The following FASTKD3 variants were observed in gnomAD, a reference collection of about 807,000 sequenced individuals.
The protein encoded by FASTKD3 is FAST kinase domain-containing protein 3, mitochondrial.
In FASTKD3, 47 loss-of-function variants were observed where a neutral mutation model predicts 49.7. That is an observed-to-expected ratio of 0.95 (90% CI 0.75 to 1.21). The LOEUF (loss-of-function observed/expected upper bound fraction) is 1.21, where lower values mean the gene tolerates loss of function less well. Ranked by LOEUF, FASTKD3 falls within the 50% of genes most tolerant of loss-of-function variation. FASTKD3 has a pLI of 0.00. For synonymous variants in FASTKD3, 284 were observed against 288.6 expected, an observed-to-expected ratio of 0.98 and a Z score of 0.16; for missense variants, 748 against 765.7, an observed-to-expected ratio of 0.98 and a Z score of 0.27.
rs1747123166 is a variant in FASTKD3, at chr5:7,867,822, C to T, written c.262G>A (p.Asp88Asn). Residue 88 changes from aspartate (D) to asparagine (N), a missense_variant, in exon 2 of 7, where the codon GAC becomes AAC. Coordinates refer to ENST00000264669, the MANE Select transcript of FASTKD3 (RefSeq NM_024091.4). Reference sequence around the variant, plus strand: ...TTTTTAACATTTTGTTCAAGCCTGTCGCAGTCAGATACTTGAGAGAACACT... The same window carrying T: ...TTTTTAACATTTTGTTCAAGCCTGTTGCAGTCAGATACTTGAGAGAACACT... ...GPVFSQVSDCDRLEQNVKNEE... is the reference protein window; with the variant it reads ...GPVFSQVSDCNRLEQNVKNEE... The T allele has an allele frequency of 2.5e-6, 4 of 1,614,146 alleles. No individual in the cohort carries two copies. Among genetic ancestry groups the T allele is most frequent in the Non-Finnish European group, 3.4e-6 (4 of 1,180,028 alleles).
intron 5 of FASTKD3, 105 bp from the exon 6 acceptor site, chr5:7,861,368 G>C (rs1036285142): frequency 1.6e-6 from 1 of 621,526 alleles, no homozygotes; most frequent in South Asian, 4.2e-5. Flanking sequence ...CTATTACTAT[G>C]TGCCAATATT....
In FASTKD3 at chr5:7,867,207, G is replaced by A. The variant is rs756135359; in HGVS notation, c.877C>T (p.Pro293Ser). Residue 293 changes from proline to serine, a missense_variant, in exon 2 of 7, where the codon CCT becomes TCT. Physicochemically the swap from Pro to Ser is moderately conservative, Grantham distance 74. Transcript: ENST00000264669. ...GTGAGCATTTGGCTAATCAATTTAG[G>A]ACTCAGGTTGGAAACTATTGATAGG... is the stretch of plus-strand genomic sequence containing the variant. ...FSLSIVSNLS[P>S]KLISQMLTAL... 1 of 1,614,126 alleles carries A rather than the reference G, an allele frequency of 6.2e-7. No homozygotes were observed. The highest frequency in any genetic ancestry group is 2.2e-5 in the East Asian group (1 of 44,888).
chr5:7,868,087 A>G lies in FASTKD3; in HGVS notation c.-4T>C, dbSNP rs1346291074. Reference sequence around the variant, plus strand: ...TCCTCAAGGTGATTAATGCCATACCATCAGATTCTCAATTTGATAACTAAA... The same window carrying G: ...TCCTCAAGGTGATTAATGCCATACCGTCAGATTCTCAATTTGATAACTAAA... On this transcript the variant is annotated 5_prime_UTR_variant, in exon 2 of 7. An upstream start codon of the reference 5' UTR is lost. Transcript: ENST00000264669. The G allele has an allele frequency of 6.4e-7, 1 of 1,565,360 alleles. No homozygotes were observed. The highest frequency in any genetic ancestry group is 1.4e-5 in the African/African-American group (1 of 72,460).
chr5:7,861,076 A>T, intron 6 of FASTKD3, 73 bp downstream of exon 6: 1 of 941,232 alleles, frequency 1.1e-6, no homozygotes, highest in Non-Finnish European at 1.6e-6. Context: ...ATTACTTTTT[A>T]AAAGTAACCT....
rs1189996312 is a variant in FASTKD3, at chr5:7,867,935, G to C, written c.149C>G (p.Pro50Arg). 1 of 1,614,082 alleles carries C rather than the reference G, an allele frequency of 6.2e-7. No individual in the cohort carries two copies. The change falls in exon 2 of 7, where the codon CCT (proline) becomes CGT (arginine). Residue 50 changes from proline (P) to arginine (R), a missense_variant. By Grantham distance (103) the Pro-to-Arg change is moderately radical. This residue lies in a region of FASTKD3 where 564 missense variants were observed against 562.8 expected (regional missense o/e 1.00). Coordinates refer to ENST00000264669, the MANE Select transcript of FASTKD3 (RefSeq NM_024091.4). ...ATGGAATTTGACCCCGAAAGGCTCA[G>C]GTTGTCGTGAACACAACCAAGGGCA... ...RLCPWLCSRQ[P>R]EPFGVKFHHA...
At position 7,867,627 on chromosome 5, in the gene FASTKD3, T is replaced by C. The variant is rs1747091413; in HGVS notation, c.457A>G (p.Ile153Val). The part of the protein sequence containing the change: ...KDGDQGLPKE[I>V]LENSIFQALC... ...GCTTGAAAGATGCTATTCTCCAGTA[T>C]TTCTTTTGGCAGCCCTTGATCACCA... The change falls in exon 2 of 7, where the codon ATA becomes GTA. Residue 153 changes from isoleucine to valine, a missense_variant. This residue lies in a region of FASTKD3 where 564 missense variants were observed against 562.8 expected (regional missense o/e 1.00). Transcript: ENST00000264669. 4.3e-6 allele frequency: 7 copies of C among 1,614,246 alleles called. No homozygotes were observed. The highest frequency in any genetic ancestry group is 5.1e-6 in the Non-Finnish European group (6 of 1,180,038).
At chr5:7,862,783 T>G (rs1411844840) in intron 4 of FASTKD3, 40 bp downstream of exon 4, 2 of 1,537,420 alleles carry the variant, frequency 1.3e-6, no homozygotes, top group Non-Finnish European at 1.8e-6. Context: ...TCGAACAGGA[T>G]GCTTAGGTTT....
rs898556569 is a variant in FASTKD3, at chr5:7,866,674, G to A, written c.1410C>T (p.Phe470=). The A allele has an allele frequency of 1.3e-6, 2 of 1,596,388 alleles. No individual in the cohort carries two copies. The highest frequency in any genetic ancestry group is 2.7e-5 in the African/African-American group (2 of 73,824). The change falls in exon 2 of 7, where the codon TTC becomes TTT. Residue 470 remains phenylalanine (F), a synonymous_variant. Transcript: ENST00000264669. Reference sequence around the variant, plus strand: ...GCAGCCGTTGAAGGAAAAGAGGCTTGAATATTTTTGCCAGAAAGTTGACTG... The same window carrying A: ...GCAGCCGTTGAAGGAAAAGAGGCTTAAATATTTTTGCCAGAAAGTTGACTG... ...CHPVNFLAKI[F]KPLFLQRLQG...
At chr5:7,864,091 T>C (rs1579545180) in intron 3 of FASTKD3, among the ~76,000 whole-genome samples, 1 of 152,190 alleles carries the variant, frequency 6.6e-6, no homozygotes, top group African/African-American at 2.4e-5. Flanking sequence ...CCTCAGGTGA[T>C]CCACCCGCCT....
In FASTKD3 at chr5:7,862,822, C is replaced by G. The variant is rs771905793; in HGVS notation, c.1699+1G>C. 6.2e-7 allele frequency: 1 copy of G among 1,610,006 alleles called. No homozygotes were observed. On this transcript the variant is annotated splice_donor_variant, in intron 4 of 6. Coordinates refer to ENST00000264669, the MANE Select transcript of FASTKD3 (RefSeq NM_024091.4). LOFTEE classifies it high-confidence loss of function. ...ACAACAAAACTCCTTATACTACTTA[C>G]CTATTGTATAACAATAGGGTGTCAA...
At position 7,866,855 on chromosome 5, in the gene FASTKD3, G is replaced by C. The variant is rs776679614; in HGVS notation, c.1229C>G (p.Ala410Gly). 50 of 1,613,882 alleles carry C rather than the reference G, an allele frequency of 3.1e-5. No individual in the cohort carries two copies. The highest frequency in any genetic ancestry group is 2.0e-4 in the Admixed American group (12 of 59,982). The change falls in exon 2 of 7, where the codon GCC becomes GGC. Residue 410 changes from alanine to glycine, a missense_variant. Physicochemically the swap from Ala to Gly is moderately conservative, Grantham distance 60. This residue lies in a region of FASTKD3 where 564 missense variants were observed against 562.8 expected (regional missense o/e 1.00). Coordinates refer to ENST00000264669, the MANE Select transcript of FASTKD3 (RefSeq NM_024091.4). ...GAGTTTCCCAAATGGTTCCATTAAG[G>C]CAGAAATCTGACGAGGTGAAAATTT... ...TEKFSPRQIS[A>G]LMEPFGKLNY...
At position 7,867,193 on chromosome 5, in the gene FASTKD3, G is replaced by A. The variant is rs748254312; in HGVS notation, c.891C>T (p.Ser297=). The change falls in exon 2 of 7, where the codon AGC becomes AGT. Residue 297 remains serine (S), a synonymous_variant. Coordinates refer to ENST00000264669, the MANE Select transcript of FASTKD3 (RefSeq NM_024091.4). Reference sequence around the variant, plus strand: ...GAACCACCAGGGCAGTGAGCATTTGGCTAATCAATTTAGGACTCAGGTTGG... The same window carrying A: ...GAACCACCAGGGCAGTGAGCATTTGACTAATCAATTTAGGACTCAGGTTGG... ...IVSNLSPKLI[S]QMLTALVVLD... 7.4e-6 allele frequency: 12 copies of A among 1,614,020 alleles called. No individual in the cohort carries two copies. Among genetic ancestry groups the A allele is most frequent in the Non-Finnish European group, 9.3e-6 (11 of 1,180,042 alleles).
At chr5:7,868,875 C>G (rs1747292063) in intron 1 of FASTKD3, 104 bp downstream of exon 1, 1 of 562,818 alleles carries the variant, frequency 1.8e-6, no homozygotes, top group African/African-American at 1.9e-5. Context: ...CCCCGGGGAC[C>G]TGCGCTGAGA....
At position 7,861,620 on chromosome 5, in the gene FASTKD3, C is replaced by T. The variant is rs774194001; in HGVS notation, c.1732G>A (p.Val578Ile). 3.7e-6 allele frequency: 6 copies of T among 1,607,280 alleles called. No individual in the cohort carries two copies. Among genetic ancestry groups the T allele is most frequent in the East Asian group, 4.5e-5 (2 of 44,676 alleles). The change falls in exon 5 of 7, where the codon GTA (valine) becomes ATA (isoleucine). Residue 578 changes from valine to isoleucine, a missense_variant. Val to Ile is a conservative substitution (Grantham distance 29, BLOSUM62 3). Around this residue, in one of 3 missense-constraint regions of FASTKD3, gnomAD observed 178 missense variants for 182.2 expected, o/e 0.98. Transcript: ENST00000264669. ...VEIKLDEEGF[V>I]LPSTANEDIH... The stretch of plus-strand genomic sequence containing the variant: ...TCTTCATTAGCTGTGGATGGCAATA[C>T]AAATCCTTCTTCATCTAATTTAATT...
chr5:7,866,031 G>C (rs1430804715), intron 2 of FASTKD3, 48 bp from the exon 3 acceptor site: 3 of 1,231,376 alleles, frequency 2.4e-6, no homozygotes, highest in South Asian at 2.9e-5. Flanking sequence ...ATTGAGGTAT[G>C]TATGAGAGAA....
rs201119018 is a variant in FASTKD3, at chr5:7,867,102, G to A, written c.982C>T (p.His328Tyr). Reference sequence around the variant, plus strand: ...CTCCTAAGCTCCTCGTTAGTGAAATGTGGGACATGCCTCACGACATATTTG... The same window carrying A: ...CTCCTAAGCTCCTCGTTAGTGAAATATGGGACATGCCTCACGACATATTTG... ...LGKYVVRHVP[H>Y]FTNEELRRVL... The change falls in exon 2 of 7, where the codon CAT (histidine) becomes TAT (tyrosine). Residue 328 changes from histidine to tyrosine, a missense_variant. This residue lies in a region of FASTKD3 where 564 missense variants were observed against 562.8 expected (regional missense o/e 1.00). Transcript: ENST00000264669. 18 of 1,614,066 alleles carry A rather than the reference G, an allele frequency of 1.1e-5. No individual in the cohort carries two copies. Among genetic ancestry groups the A allele is most frequent in the Admixed American group, 3.3e-5 (2 of 60,006 alleles).
In FASTKD3 at chr5:7,865,885, T is replaced by C. The variant is rs1310500272; in HGVS notation, c.1524+13A>G. ...CATGGGGAAATAAAGCCACATATAG[T>C]TCATGCTTTTACCTTATAGAAAGGG... On this transcript the variant is annotated intron_variant, in intron 3 of 6. Transcript: ENST00000264669. The C allele has an allele frequency of 1.9e-6, 3 of 1,605,208 alleles. No homozygotes were observed. Among genetic ancestry groups the C allele is most frequent in the African/African-American group, 2.7e-5 (2 of 74,878 alleles).
chr5:7,861,583 C>T lies in FASTKD3; in HGVS notation c.1769G>A (p.Arg590Lys), dbSNP rs781519142. 15 of 1,581,918 alleles carry T rather than the reference C, an allele frequency of 9.5e-6. No homozygotes were observed. The highest frequency in any genetic ancestry group is 1.3e-5 in the Non-Finnish European group (15 of 1,163,460). The change falls in exon 5 of 7, where the codon AGG becomes AAG. Residue 590 changes from arginine to lysine, a missense_variant and splice_region_variant. Physicochemically the swap from Arg to Lys is conservative, Grantham distance 26. Around this residue, in one of 3 missense-constraint regions of FASTKD3, gnomAD observed 178 missense variants for 182.2 expected, o/e 0.98. Coordinates refer to ENST00000264669, the MANE Select transcript of FASTKD3 (RefSeq NM_024091.4). ...PSTANEDIHK[R>K]IALCIDGPKR... ...TGAAAAACACAACATTTTCCTGTAC[C>T]TTTTATGGATATCTTCATTAGCTGT...
intron 1 of FASTKD3, 107 bp downstream of exon 1, chr5:7,868,872 G>C (rs1412345588): frequency 3.6e-5 from 20 of 558,928 alleles, no homozygotes; most frequent in Non-Finnish European, 6.5e-6. Flanking sequence ...GCGCCCCGGG[G>C]ACCTGCGCTG....
Sources: allele counts gnomAD v4.1 joint callset (sites outside exome capture counted in the v4.1 genomes callset), GRCh38; gene constraint gnomAD v4.1.1; regional missense constraint gnomAD v4.1.1; transcripts MANE v1.5; gene names NCBI Gene and HGNC (gene_info 2026-07-23, HGNC 2026-07-21).